Variants in SIPA1L1 observed in about 807,000 individuals in gnomAD.
The protein encoded by SIPA1L1 is signal induced proliferation associated 1 like 1, also known as signal-induced proliferation-associated 1-like protein 1.
Under a neutral mutation model 162.7 loss-of-function variants are expected in SIPA1L1, and 26 were observed. The observed-to-expected ratio is 0.16, with a 90% CI of 0.12 to 0.22. The LOEUF (loss-of-function observed/expected upper bound fraction) is 0.22. SIPA1L1 is among the 10% of genes least tolerant of loss of function. SIPA1L1 has a pLI of 1.00. For missense variants in SIPA1L1, 1,874 were observed against 2,241.0 expected (o/e 0.84, Z 3.31); for synonymous variants, 829 against 837.4 (o/e 0.99, Z 0.17).
At chr14:71,685,143 A>G (rs1247988091) in intron 12 of SIPA1L1, among the ~76,000 whole-genome samples, 1 of 152,138 alleles carries the variant, frequency 6.6e-6, no homozygotes, top group Non-Finnish European at 1.5e-5. Context: ...TCGCACTCAA[A>G]AAGTTGGGAT....
In SIPA1L1 at chr14:71,663,948, C is replaced by T. The variant is rs112207316; in HGVS notation, c.2255+2481C>T. ...AAAGAAATCACAAGAGATTATAGAG[C>T]AGTGACCTATGCCTATTGCAAACTT... On this transcript the variant is annotated intron_variant, in intron 10 of 23. Transcript: ENST00000381232. 7.7e-3 allele frequency among the ~76,000 whole-genome samples: 1,177 copies of T among 152,300 alleles called. 9 individuals carry two copies. The highest frequency in any genetic ancestry group is 0.022 in the African/African-American group (933 of 41,554).
intron 2 of SIPA1L1, among the ~76,000 whole-genome samples, chr14:71,492,363 G>A (rs768100650): frequency 3.9e-5 from 6 of 152,084 alleles, no homozygotes; most frequent in Admixed American, 3.3e-4. Flanking sequence ...TCAGCTTGAT[G>A]CCCTGTTAAA....
intron 20 of SIPA1L1, among the ~76,000 whole-genome samples, chr14:71,732,055 C>G (rs186782960): frequency 6.6e-6 from 1 of 152,192 alleles, no homozygotes; most frequent in African/African-American, 2.4e-5. Flanking sequence ...CCTACTTACC[C>G]TTGGTAGGAG....
At chr14:71,374,743 T>A (rs928988271) in intron 2 of SIPA1L1, among the ~76,000 whole-genome samples, 1 of 151,106 alleles carries the variant, frequency 6.6e-6, no homozygotes, top group Non-Finnish European at 1.5e-5. Flanking sequence ...GCCATATATC[T>A]AAATAATATA....
chr14:71,330,235 T>C lies in SIPA1L1; in HGVS notation c.-465+9054T>C, dbSNP rs555776108. ...TTAGCTGTCTCCCCATCCTCCCAAC[T>C]CCACTATTCCAGGGAGGGGCTGAAA... On this transcript the variant is annotated intron_variant, in intron 2 of 23. Transcript: ENST00000381232. The C allele has an allele frequency of 1.1e-5, 7 of 651,762 alleles. No individual in the cohort carries two copies. In the South Asian group the frequency reaches 1.2e-4, roughly 11 times the overall value. 40.4% of individuals were successfully genotyped at this position (651,762 alleles called of 1,614,324 possible).
At chr14:71,627,811 C>A (rs1024823542) in intron 7 of SIPA1L1, among the ~76,000 whole-genome samples, 2 of 152,158 alleles carry the variant, frequency 1.3e-5, no homozygotes, top group Non-Finnish European at 2.9e-5. Context: ...CCCTTAATAG[C>A]CCTGAGCACT....
chr14:71,579,552 T>C (rs1029580564), intron 4 of SIPA1L1, among the ~76,000 whole-genome samples: 1 of 152,184 alleles, frequency 6.6e-6, no homozygotes, highest in Non-Finnish European at 1.5e-5. Flanking sequence ...TGCTCAGAGA[T>C]AACGGTACAG....
intron 4 of SIPA1L1, among the ~76,000 whole-genome samples, chr14:71,533,051 T>C (rs1036123490): frequency 1.3e-5 from 2 of 152,196 alleles, no homozygotes; most frequent in African/African-American, 4.8e-5. Context: ...TATCTCAGTA[T>C]TTAGAATGGA....
At chr14:71,430,171 A>G (rs940271131) in intron 2 of SIPA1L1, among the ~76,000 whole-genome samples, 4 of 152,206 alleles carry the variant, frequency 2.6e-5, no homozygotes, top group Admixed American at 6.5e-5. Context: ...ACTGCTGGGC[A>G]GAAATAGGCA....
intron 4 of SIPA1L1, among the ~76,000 whole-genome samples, chr14:71,571,296 G>A (rs2031955693): frequency 6.6e-6 from 1 of 152,106 alleles, no homozygotes; most frequent in Non-Finnish European, 1.5e-5. Context: ...AGTGTCCAAT[G>A]AATAGAACAT....
intron 7 of SIPA1L1, among the ~76,000 whole-genome samples, chr14:71,646,262 A>C (rs552953186): frequency 3.3e-5 from 5 of 149,260 alleles, no homozygotes; most frequent in Admixed American, 6.7e-5. Context: ...CTGCAAGCTC[A>C]GCCTCCCGGG....
chr14:71,415,548 G>A (rs911424354), intron 2 of SIPA1L1, among the ~76,000 whole-genome samples: 1 of 152,198 alleles, frequency 6.6e-6, no homozygotes, highest in Non-Finnish European at 1.5e-5. Context: ...GGTACTTCGA[G>A]AGGGAAGAAA....
intron 2 of SIPA1L1, among the ~76,000 whole-genome samples, chr14:71,496,747 T>A (rs959991881): frequency 3.3e-5 from 5 of 152,210 alleles, no homozygotes; most frequent in Non-Finnish European, 1.5e-5. Flanking sequence ...TCATTTGTTT[T>A]GGTGCTCTGT....
At chr14:71,578,264 T>C (rs892648549) in intron 4 of SIPA1L1, among the ~76,000 whole-genome samples, 3 of 152,152 alleles carry the variant, frequency 2.0e-5, no homozygotes, top group Non-Finnish European at 2.9e-5. Context: ...GAGGTCTTGC[T>C]TTGTTTGAGT....
At chr14:71,330,258 A>G (rs751104535) in intron 2 of SIPA1L1, 2 of 687,226 alleles carry the variant, frequency 2.9e-6, no homozygotes, top group African/African-American at 3.5e-5. Context: ...GGAGGGGCTG[A>G]AAGTAGAAGT....
At chr14:71,501,295 G>C (rs1207495211) in intron 2 of SIPA1L1, among the ~76,000 whole-genome samples, 1 of 152,030 alleles carries the variant, frequency 6.6e-6, no homozygotes, top group Non-Finnish European at 1.5e-5. Flanking sequence ...ACTCCAGCCT[G>C]GGTGACAGAG....
At chr14:71,366,383 G>A (rs1464757649) in intron 2 of SIPA1L1, among the ~76,000 whole-genome samples, 1 of 152,090 alleles carries the variant, frequency 6.6e-6, no homozygotes, top group East Asian at 1.9e-4. Flanking sequence ...AGGTGCTGTA[G>A]TATAAACATT....
At chr14:71,508,903 A>G (rs2050890007) in intron 2 of SIPA1L1, among the ~76,000 whole-genome samples, 1 of 152,184 alleles carries the variant, frequency 6.6e-6, no homozygotes, top group South Asian at 2.1e-4. Flanking sequence ...ACTTTTATTC[A>G]CCTGGTAGTG....
chr14:71,653,507 G>A (rs1203585434), intron 8 of SIPA1L1, among the ~76,000 whole-genome samples: 1 of 152,088 alleles, frequency 6.6e-6, no homozygotes, highest in Non-Finnish European at 1.5e-5. Context: ...CTGAACTCGA[G>A]TCTGTCTTGG....
Sources: allele counts gnomAD v4.1 joint callset (sites outside exome capture counted in the v4.1 genomes callset), GRCh38; gene constraint gnomAD v4.1.1; transcripts MANE v1.5; gene names NCBI Gene and HGNC (gene_info 2026-07-23, HGNC 2026-07-21).